The following DHX32 variants were observed in gnomAD, a reference collection of about 807,000 sequenced individuals.
DHX32 encodes DEAH-box helicase 32 (putative), also known as putative pre-mRNA-splicing factor ATP-dependent RNA helicase DHX32.
DHX32 carries 51 observed loss-of-function variants against 70.0 expected under a neutral mutation model. The observed-to-expected ratio is 0.73, with a 90% CI of 0.58 to 0.92. DHX32 has a LOEUF of 0.92. DHX32 is among the 40% of genes least tolerant of loss of function. DHX32 has a pLI of 0.00. For missense variants in DHX32, 762 were observed against 891.8 expected (o/e 0.85, Z 1.85); for synonymous variants, 310 against 315.3 (o/e 0.98, Z 0.18).
intron 6 of DHX32, among the ~76,000 whole-genome samples, chr10:125,848,967 A>G (rs1449381377): frequency 6.6e-6 from 1 of 152,168 alleles, no homozygotes; most frequent in Non-Finnish European, 1.5e-5. Flanking sequence ...CCAGGCTTGG[A>G]GCCCTGGCAG....
At chr10:125,896,006 C>A (rs1944498146) in intron 1 of DHX32, among the ~76,000 whole-genome samples, 2 of 152,296 alleles carry the variant, frequency 1.3e-5, no homozygotes, top group African/African-American at 4.8e-5. Context: ...CGCAGGGCTC[C>A]GTCCTCCCGC....
intron 3 of DHX32, among the ~76,000 whole-genome samples, chr10:125,858,462 A>T (rs1944162250): frequency 6.6e-6 from 1 of 152,262 alleles, no homozygotes; most frequent in South Asian, 2.1e-4. Context: ...ACAAAAAATG[A>T]TAAATATGCA....
chr10:125,853,945 A>C lies in DHX32; in HGVS notation c.1092+16T>G, dbSNP rs1461873493. 6.2e-7 allele frequency: 1 copy of C among 1,611,534 alleles called. No individual in the cohort carries two copies. The highest frequency in any genetic ancestry group is 8.5e-7 in the Non-Finnish European group (1 of 1,179,104). On this transcript the variant is annotated intron_variant, in intron 4 of 10. Transcript: ENST00000284690. ...CAACGATCAGCAGTCTGTTTAGCCTACTCAATAATAATTACCTTTCTTCTT... is the reference window on the plus strand; with the variant it reads ...CAACGATCAGCAGTCTGTTTAGCCTCCTCAATAATAATTACCTTTCTTCTT...
intron 6 of DHX32, among the ~76,000 whole-genome samples, chr10:125,848,402 A>G (rs1944050568): frequency 6.6e-6 from 1 of 152,220 alleles, no homozygotes; most frequent in Non-Finnish European, 1.5e-5. Context: ...CCAGGATACA[A>G]GAGGGCAGAC....
chr10:125,847,801 T>C (rs1167886974), intron 6 of DHX32, among the ~76,000 whole-genome samples: 1 of 152,106 alleles, frequency 6.6e-6, no homozygotes, highest in Admixed American at 6.5e-5. Context: ...CATCAGGCAT[T>C]AGATTCTCAT....
At chr10:125,876,443 T>C (rs1302088234) in intron 1 of DHX32, among the ~76,000 whole-genome samples, 1 of 152,188 alleles carries the variant, frequency 6.6e-6, no homozygotes, top group Non-Finnish European at 1.5e-5. Context: ...AAAATATGTA[T>C]CTATTAAATG....
intron 4 of DHX32, chr10:125,853,478 C>A: frequency 4.0e-6 from 1 of 252,492 alleles, no homozygotes; most frequent in East Asian, 7.8e-5. Flanking sequence ...ATTTTATCGT[C>A]AATTATAAGC....
chr10:125,856,902 C>G (rs1426216715), intron 3 of DHX32, among the ~76,000 whole-genome samples: 1 of 152,182 alleles, frequency 6.6e-6, no homozygotes, highest in African/African-American at 2.4e-5. Context: ...TCACACTGAG[C>G]CAAGATCACA....
intron 6 of DHX32, among the ~76,000 whole-genome samples, chr10:125,847,897 G>C (rs1405912656): frequency 1.3e-5 from 2 of 152,092 alleles, no homozygotes; most frequent in South Asian, 4.1e-4. Flanking sequence ...CCACTGATCT[G>C]ACAGGAGGTG....
At chr10:125,871,972 C>G (rs1944258626) in intron 1 of DHX32, among the ~76,000 whole-genome samples, 1 of 151,682 alleles carries the variant, frequency 6.6e-6, no homozygotes, top group African/African-American at 2.4e-5. Flanking sequence ...AAGCAATTCT[C>G]CTGCCTCAGC....
chr10:125,852,291 A>G lies in DHX32; in HGVS notation c.1351+2T>C. On this transcript the variant is annotated splice_donor_variant, in intron 6 of 10. Transcript: ENST00000284690. LOFTEE classifies it high-confidence loss of function. Reference sequence around the variant, plus strand: ...CTGGCTGACATGGGAGCATAAGGCTACCTGGTCTGTTCATGAAGTCACAGT... The same window carrying G: ...CTGGCTGACATGGGAGCATAAGGCTGCCTGGTCTGTTCATGAAGTCACAGT... 1 of 1,613,810 alleles carries G rather than the reference A, an allele frequency of 6.2e-7. No individual in the cohort carries two copies. Among genetic ancestry groups the G allele is most frequent in the Non-Finnish European group, 8.5e-7 (1 of 1,179,892 alleles).
At chr10:125,873,487 A>G (rs1192597030) in intron 1 of DHX32, among the ~76,000 whole-genome samples, 10 of 152,132 alleles carry the variant, frequency 6.6e-5, no homozygotes, top group Non-Finnish European at 1.0e-4. Flanking sequence ...TCCTGAAGCT[A>G]CTGCCAAGGT....
intron 1 of DHX32, among the ~76,000 whole-genome samples, chr10:125,895,298 TC>T (rs1398592610): frequency 2.0e-5 from 3 of 152,184 alleles, no homozygotes; most frequent in African/African-American, 7.2e-5. Flanking sequence ...AGTAATCACT[TC>T]CATGACCCCC....
upstream of DHX32, among the ~76,000 whole-genome samples, chr10:125,885,063 C>T (rs1169220194): frequency 6.6e-6 from 1 of 151,992 alleles, no homozygotes; most frequent in Non-Finnish European, 1.5e-5. Flanking sequence ...TGCATCATCT[C>T]CCACTTGGAT....
chr10:125,856,644 C>T (rs1944149635), intron 3 of DHX32, among the ~76,000 whole-genome samples: 1 of 152,130 alleles, frequency 6.6e-6, no homozygotes, highest in African/African-American at 2.4e-5. Context: ...AAACATACTT[C>T]TTAATATAAA....
rs1426279678 is a variant in DHX32, at chr10:125,854,029, A to T, written c.1024T>A (p.Ser342Thr). 6.2e-7 allele frequency: 1 copy of T among 1,614,088 alleles called. No homozygotes were observed. Among genetic ancestry groups the T allele is most frequent in the Non-Finnish European group, 8.5e-7 (1 of 1,179,990 alleles). The change falls in exon 4 of 11, where the codon TCT becomes ACT. Residue 342 changes from serine to threonine, a missense_variant. By Grantham distance (58) the Ser-to-Thr change is moderately conservative. Coordinates refer to ENST00000284690, the MANE Select transcript of DHX32 (RefSeq NM_018180.3). ...YQRRVVLTTS[S>T]GEFLIWSNSV... ...TTGCTCCAGATCAAAAACTCTCCAGAGCTAGTAGTTAACACCACTCTTCTT... is the reference window on the plus strand; with the variant it reads ...TTGCTCCAGATCAAAAACTCTCCAGTGCTAGTAGTTAACACCACTCTTCTT...
intron 1 of DHX32, among the ~76,000 whole-genome samples, chr10:125,877,141 C>T (rs1944289157): frequency 6.6e-6 from 1 of 152,110 alleles, no homozygotes; most frequent in South Asian, 2.1e-4. Flanking sequence ...ACTATTTTTG[C>T]AACTTTTTGT....
rs187935103 is a variant in DHX32, at chr10:125,843,442, C to T, written c.1352-1508G>A. On this transcript the variant is annotated intron_variant, in intron 6 of 10. Coordinates refer to ENST00000284690, the MANE Select transcript of DHX32 (RefSeq NM_018180.3). Reference sequence around the variant, plus strand: ...TGGCTAACACGGTGAAACCCCGTCTCAACTAAAAAAATACAAAAAATTAGC... The same window carrying T: ...TGGCTAACACGGTGAAACCCCGTCTTAACTAAAAAAATACAAAAAATTAGC... Among the ~76,000 whole-genome samples, 479 of 152,074 alleles carry T rather than the reference C, an allele frequency of 3.1e-3. 4 individuals are homozygous for T. The highest frequency in any genetic ancestry group is 0.011 in the African/African-American group (444 of 41,478).
At chr10:125,855,907 T>G (rs1345491148) in intron 3 of DHX32, among the ~76,000 whole-genome samples, 1 of 152,256 alleles carries the variant, frequency 6.6e-6, no homozygotes, top group Non-Finnish European at 1.5e-5. Context: ...ACTGAGCTAT[T>G]TTGGCTGTCT....
Sources: gnomAD v4.1 joint callset for allele counts (sites outside exome capture counted in the v4.1 genomes callset) on GRCh38, gnomAD v4.1.1 for gene constraint, MANE v1.5 for transcripts, NCBI Gene and HGNC (gene_info 2026-07-23, HGNC 2026-07-21) for gene names.